ABCC9: variants seen among roughly 807,000 people sequenced by gnomAD.
ABCC9 encodes the protein ATP binding cassette subfamily C member 9.
A neutral mutation model predicts 188.3 loss-of-function variants in ABCC9; 95 were observed. The observed-to-expected ratio is 0.50, with a 90% confidence interval of 0.43 to 0.60. ABCC9 has a LOEUF of 0.60. ABCC9 is among the 20% of genes least tolerant of loss of function. The probability of loss-of-function intolerance (pLI) is 0.00; values close to 1 mark genes in which losing one functional copy is unlikely to be tolerated. For synonymous variants in ABCC9, 659 were observed against 652.7 expected (o/e 1.01, Z -0.15); for missense variants, 1,102 against 1,876.3 (o/e 0.59, Z 7.62).
chr12:21,883,443 T>C (rs1565444698), intron 15 of ABCC9, among the ~76,000 whole-genome samples: 1 of 152,202 alleles, frequency 6.6e-6, no homozygotes, highest in Non-Finnish European at 1.5e-5. Context: ...GTGCCTTTGC[T>C]TCTCCTTTGC....
chr12:21,825,647 G>T (rs1383675673), intron 31 of ABCC9, among the ~76,000 whole-genome samples: 1 of 150,916 alleles, frequency 6.6e-6, no homozygotes, highest in African/African-American at 2.4e-5. Flanking sequence ...CTGTCCGGGG[G>T]TGGGGGGCTA....
At chr12:21,854,701 C>A (rs1387618250) in intron 22 of ABCC9, among the ~76,000 whole-genome samples, 1 of 152,000 alleles carries the variant, frequency 6.6e-6, no homozygotes, top group Non-Finnish European at 1.5e-5. Flanking sequence ...TCATTTAGCT[C>A]CTTTTAATAA....
In ABCC9 at chr12:21,805,287, C is replaced by T. The variant is rs72559751; in HGVS notation, c.4512+711G>A. On this transcript the variant is annotated intron_variant, in intron 39 of 39. Transcript: ENST00000261200. ...TCAGAAAAGACTAAAACAAGGCCTG[C>T]ATCCATAATAGAAGAGACACGGTGC... The T allele has an allele frequency of 6.3e-5, 101 of 1,613,782 alleles. No individual in the cohort carries two copies. The highest frequency in any genetic ancestry group is 1.6e-4 in the Middle Eastern group (1 of 6,084).
chr12:21,854,473 T>C (rs1037903674), intron 22 of ABCC9, among the ~76,000 whole-genome samples: 3 of 152,246 alleles, frequency 2.0e-5, no homozygotes, highest in Non-Finnish European at 4.4e-5. Context: ...ATAATCAGTG[T>C]CCTCAAATGA....
At chr12:21,903,742 C>G (rs1299797473) in intron 12 of ABCC9, among the ~76,000 whole-genome samples, 1 of 152,176 alleles carries the variant, frequency 6.6e-6, no homozygotes, top group East Asian at 1.9e-4. Flanking sequence ...AGGACCTCTT[C>G]AAGGAGAACT....
chr12:21,820,680 C>G (rs1292164291), intron 31 of ABCC9, among the ~76,000 whole-genome samples: 1 of 152,066 alleles, frequency 6.6e-6, no homozygotes, highest in African/African-American at 2.4e-5. Flanking sequence ...AATACATCAA[C>G]TTTGTTTCTG....
Position 21,862,836 on chromosome 12 carries a change from G to A in ABCC9, c.2339+117C>T, listed in dbSNP as rs1410348890. 6 of 718,834 alleles carry A rather than the reference G, an allele frequency of 8.3e-6. No individual in the cohort carries two copies. The Admixed American group carries it at 1.4e-4, about 17-fold the overall frequency. 44.5% of individuals were successfully genotyped at this position (718,834 alleles called of 1,614,324 possible). A position where few individuals can be genotyped will look rare whatever the true frequency, so the allele number is the denominator to read the frequency against. On this transcript the variant is annotated intron_variant, in intron 20 of 39. Coordinates refer to ENST00000261200, the MANE Select transcript of ABCC9 (RefSeq NM_020297.4). ...ACCTTGGTGATGAGGATGAAAACGG[G>A]GCCAGCAGGAAAGAAAATACCAGAT...
chr12:21,824,597 T>C (rs996807338), intron 31 of ABCC9, among the ~76,000 whole-genome samples: 1 of 152,220 alleles, frequency 6.6e-6, no homozygotes, highest in African/African-American at 2.4e-5. Flanking sequence ...TCCAGTAGAA[T>C]TTGGCTGTGA....
chr12:21,936,520 C>A lies in ABCC9; in HGVS notation c.142+13G>T. 6.2e-7 allele frequency: 1 copy of A among 1,603,474 alleles called. No homozygotes were observed. The highest frequency in any genetic ancestry group is 8.5e-7 in the Non-Finnish European group (1 of 1,171,228). ...ACATCAAATGGTATAACATAAGATA[C>A]TAGATTACTTACCAATAAACAATAT... On this transcript the variant is annotated intron_variant, in intron 3 of 39. Transcript: ENST00000261200.
At chr12:21,869,367 G>T (rs2137558350) in intron 18 of ABCC9, among the ~76,000 whole-genome samples, 1 of 152,238 alleles carries the variant, frequency 6.6e-6, no homozygotes, top group Non-Finnish European at 1.5e-5. Context: ...CTGAATTAGT[G>T]AAATGAACTC....
chr12:21,831,011 T>TATCTATCTA (rs995163295), intron 30 of ABCC9: 4 of 147,846 alleles, frequency 2.7e-5, no homozygotes, highest in Non-Finnish European at 6.0e-5. Context: ...TCTATCTATC[T>TATCTATCTA]ATCATCAATC....
intron 2 of ABCC9, among the ~76,000 whole-genome samples, chr12:21,939,950 T>G (rs1487206408): frequency 6.6e-6 from 1 of 152,224 alleles, no homozygotes; most frequent in Non-Finnish European, 1.5e-5. Flanking sequence ...CATATACATT[T>G]TGGATTTAGT....
chr12:21,924,543 T>C (rs1194820097), intron 5 of ABCC9: 1 of 152,104 alleles, frequency 6.6e-6, no homozygotes, highest in African/African-American at 2.4e-5. Context: ...AGAAATATTA[T>C]ATTTTATCTC....
chr12:21,867,460 T>A (rs1332366555), intron 18 of ABCC9, among the ~76,000 whole-genome samples: 4 of 152,152 alleles, frequency 2.6e-5, no homozygotes, highest in African/African-American at 9.7e-5. Context: ...GTGTGTATTT[T>A]CCTCCCAGAG....
intron 12 of ABCC9, among the ~76,000 whole-genome samples, chr12:21,898,933 A>AT (rs945268901): frequency 2.6e-5 from 4 of 152,116 alleles, no homozygotes; most frequent in African/African-American, 7.2e-5. Flanking sequence ...TGAAAATGGT[A>AT]TTTTTTTCTC....
chr12:21,923,847 T>C (rs1434085162), intron 5 of ABCC9: 1 of 700,490 alleles, frequency 1.4e-6, no homozygotes, highest in East Asian at 2.7e-5. Context: ...ACTCTCATGA[T>C]GGCTAAAACC....
At chr12:21,908,999 TGCCTATATGCCAATG>T (rs1948185867) in intron 10 of ABCC9, among the ~76,000 whole-genome samples, 2 of 151,954 alleles carry the variant, frequency 1.3e-5, no homozygotes, top group African/African-American at 4.8e-5. Context: ...ATATAATTTA[TGCCTATATGCCAATG>T]ATAATAGCTT....
At position 21,915,225 on chromosome 12, in the gene ABCC9, A is replaced by G. The variant is rs565850538; in HGVS notation, c.816+443T>C. Among the ~76,000 whole-genome samples, 836 of 129,142 alleles carry G rather than the reference A, an allele frequency of 6.5e-3. 10 individuals carry two copies. Among genetic ancestry groups the G allele is most frequent in the African/African-American group, 0.024 (761 of 31,736 alleles). 84.7% of individuals were successfully genotyped at this position (129,142 alleles called of 152,430 possible). A position where few individuals can be genotyped will look rare whatever the true frequency, so the allele number is the denominator to read the frequency against. ...CTAAGCTTTGTGTCTTTATATATAT[A>G]TGTGTGTGTGTGTGTGTGTGTGTGT... On this transcript the variant is annotated intron_variant, in intron 7 of 39. Coordinates refer to ENST00000261200, the MANE Select transcript of ABCC9 (RefSeq NM_020297.4).
chr12:21,906,041 C>T, intron 12 of ABCC9, 85 bp downstream of exon 12: 1 of 1,440,434 alleles, frequency 6.9e-7, no homozygotes, highest in Non-Finnish European at 9.8e-7. Context: ...TAGAATGTTT[C>T]ATTGATCACA....
Sources: allele counts gnomAD v4.1 joint callset (sites outside exome capture counted in the v4.1 genomes callset), GRCh38; gene constraint gnomAD v4.1.1; transcripts MANE v1.5; gene names NCBI Gene and HGNC (gene_info 2026-07-23, HGNC 2026-07-21).